KATNB1: variants seen among roughly 807,000 people sequenced by gnomAD.
The protein encoded by KATNB1 is katanin regulatory subunit B1.
Under a neutral mutation model 82.3 loss-of-function variants are expected in KATNB1, and 38 were observed. That is an observed-to-expected ratio of 0.46 (90% CI 0.36 to 0.61). The LOEUF (loss-of-function observed/expected upper bound fraction) is 0.61, where lower values mean the gene tolerates loss of function less well. Among genes scored for constraint, KATNB1 ranks in the 20% least tolerant of loss-of-function variants. The probability of loss-of-function intolerance (pLI) is 0.00; values close to 1 mark genes in which losing one functional copy is unlikely to be tolerated. For synonymous variants in KATNB1, 361 were observed against 368.7 expected (o/e 0.98, Z 0.24); for missense variants, 749 against 915.7 (o/e 0.82, Z 2.35).
intron 4 of KATNB1, among the ~76,000 whole-genome samples, chr16:57,748,313 C>T (rs1185060207): frequency 2.0e-5 from 3 of 152,136 alleles, no homozygotes; most frequent in African/African-American, 7.2e-5. Flanking sequence ...ATTGAGGCCC[C>T]AGGTGTGGAA....
At chr16:57,738,111 T>G (rs1341551902) in intron 2 of KATNB1, among the ~76,000 whole-genome samples, 1 of 152,168 alleles carries the variant, frequency 6.6e-6, no homozygotes, top group Non-Finnish European at 1.5e-5. Context: ...CCAGATCATA[T>G]TTTGAGAATT....
At chr16:57,737,374 C>A in intron 2 of KATNB1, 91 bp downstream of exon 2, 1 of 1,442,138 alleles carries the variant, frequency 6.9e-7, no homozygotes, top group Non-Finnish European at 9.7e-7. Flanking sequence ...GTTTCCTGTT[C>A]TTGGCACAGG....
chr16:57,756,764 G>A, intron 19 of KATNB1, 50 bp from the exon 20 acceptor site: 1 of 1,497,272 alleles, frequency 6.7e-7, no homozygotes, highest in African/African-American at 1.4e-5. Flanking sequence ...GGGGTTGGGT[G>A]TGGGTGGTGG....
chr16:57,754,033 GCC>G (rs59680456), intron 13 of KATNB1, 38 bp downstream of exon 13: 3 of 1,552,994 alleles, frequency 1.9e-6, no homozygotes, highest in African/African-American at 1.4e-5. Flanking sequence ...GGTCTCTGAT[GCC>G]CCCCCGTCCC....
At chr16:57,753,709 C>T (rs1367489937) in intron 12 of KATNB1, among the ~76,000 whole-genome samples, 190 bp downstream of exon 12, 1 of 152,096 alleles carries the variant, frequency 6.6e-6, no homozygotes, top group African/African-American at 2.4e-5. Flanking sequence ...GAGAGGGGGG[C>T]CTGGGCACTC....
In KATNB1 at chr16:57,752,534, A is replaced by G. The variant is rs879999135; in HGVS notation, c.637A>G (p.Ile213Val). The G allele has an allele frequency of 4.5e-6, 7 of 1,564,256 alleles. No individual in the cohort carries two copies. The highest frequency in any genetic ancestry group is 2.7e-5 in the African/African-American group (2 of 74,194). ...ACAGCTTGGCTGCCTTTGCAGGACAATCCGCTTCTGGGACCTGGAGAAGTT... is the reference window on the plus strand; with the variant it reads ...ACAGCTTGGCTGCCTTTGCAGGACAGTCCGCTTCTGGGACCTGGAGAAGTT... ...LLASGSSDRTIRFWDLEKFQV... is the reference protein window; with the variant it reads ...LLASGSSDRTVRFWDLEKFQV... The change falls in exon 9 of 20, where the codon ATC (isoleucine) becomes GTC (valine). Residue 213 changes from isoleucine to valine, a missense_variant. Ile to Val is a conservative substitution (Grantham distance 29). Coordinates refer to ENST00000379661, the MANE Select transcript of KATNB1 (RefSeq NM_005886.3).
chr16:57,744,776 CGTGTGTGTGTGT>C (rs60853487), intron 4 of KATNB1, among the ~76,000 whole-genome samples: 2 of 149,406 alleles, frequency 1.3e-5, no homozygotes, highest in Non-Finnish European at 3.0e-5. Flanking sequence ...TCTGCGGGCA[CGTGTGTGTGTGT>C]GTGTGTGTGT....
intron 2 of KATNB1, among the ~76,000 whole-genome samples, chr16:57,739,006 C>CAAGTG (rs2049123975): frequency 6.6e-6 from 1 of 152,100 alleles, no homozygotes; most frequent in Non-Finnish European, 1.5e-5. Flanking sequence ...GCATGAACAG[C>CAAGTG]AAGTGCAAAG....
rs2049272194 is a variant in KATNB1, at chr16:57,755,882, G to A, written c.1608G>A (p.Val536=). The change falls in exon 17 of 20, where the codon GTG becomes GTA. Residue 536 remains valine (V), a synonymous_variant. Coordinates refer to ENST00000379661, the MANE Select transcript of KATNB1 (RefSeq NM_005886.3). ...DSAVAINDLS[V]VVDLLNIVNQ... ...CTGTGGCCATCAACGACCTGTCGGT[G>A]GTGGTGGACCTCCTGAACATCGTCA... 4.4e-6 allele frequency: 7 copies of A among 1,597,114 alleles called. No individual in the cohort carries two copies. The highest frequency in any genetic ancestry group is 1.1e-5 in the South Asian group (1 of 90,316).
At position 57,755,348 on chromosome 16, in the gene KATNB1, G is replaced by T. The variant is rs377707580; in HGVS notation, c.1420G>T (p.Val474Leu). ...GLKASDFLPA[V>L]KIPQQAELVD... The stretch of plus-strand genomic sequence containing the variant: ...TCTGGGTGTCCATCCCACGCAGGCC[G>T]TGAAGATCCCCCAGCAGGCCGAGCT... The change falls in exon 16 of 20, where the codon GTG becomes TTG. Residue 474 changes from valine (V) to leucine (L), a missense_variant. Coordinates refer to ENST00000379661, the MANE Select transcript of KATNB1 (RefSeq NM_005886.3). The T allele has an allele frequency of 6.2e-7, 1 of 1,613,106 alleles. No individual in the cohort carries two copies. Among genetic ancestry groups the T allele is most frequent in the Non-Finnish European group, 8.5e-7 (1 of 1,179,990 alleles).
At chr16:57,745,225 A>G (rs1328639446) in intron 4 of KATNB1, among the ~76,000 whole-genome samples, 1 of 152,176 alleles carries the variant, frequency 6.6e-6, no homozygotes, top group African/African-American at 2.4e-5. Flanking sequence ...TATTTAAAAA[A>G]CACCGTGGCC....
chr16:57,754,741 G>C (rs1348653539), intron 13 of KATNB1, among the ~76,000 whole-genome samples, 189 bp from the exon 14 acceptor site: 1 of 152,188 alleles, frequency 6.6e-6, no homozygotes, highest in Admixed American at 6.5e-5. Flanking sequence ...TTGAGTTGGG[G>C]GAGAGGGAGG....
At position 57,751,827 on chromosome 16, in the gene KATNB1, A is replaced by G; in HGVS notation, c.516+103A>G. On this transcript the variant is annotated intron_variant, in intron 7 of 19. Transcript: ENST00000379661. This position sits in a 1 kb window ranked among gnomAD's most constrained non-coding sequence, Gnocchi z 6.3. ...CTCCTGATCGGGCTCACATGTCCCA[A>G]GCCTATCCCGAGTGGAAGGTAGCTT... 1.4e-6 allele frequency: 2 copies of G among 1,414,338 alleles called. No homozygotes were observed. The highest frequency in any genetic ancestry group is 9.9e-7 in the Non-Finnish European group (1 of 1,010,354). 87.6% of individuals were successfully genotyped at this position (1,414,338 alleles called of 1,614,324 possible).
At chr16:57,741,550 C>A in intron 2 of KATNB1, 137 bp from the exon 3 acceptor site, 1 of 893,864 alleles carries the variant, frequency 1.1e-6, no homozygotes, top group Non-Finnish European at 1.7e-6. Flanking sequence ...ATGGTGGACA[C>A]CAAAGGGGGA....
intron 4 of KATNB1, among the ~76,000 whole-genome samples, chr16:57,748,379 AC>A (rs1424665893): frequency 6.6e-6 from 1 of 151,704 alleles, no homozygotes; most frequent in African/African-American, 2.4e-5. Flanking sequence ...TAATCTCAGC[AC>A]TTTGGGAGGC....
intron 2 of KATNB1, among the ~76,000 whole-genome samples, chr16:57,738,124 C>T (rs1235166698): frequency 3.3e-5 from 5 of 152,198 alleles, no homozygotes; most frequent in East Asian, 3.8e-4. Flanking sequence ...TGAGAATTCC[C>T]CTACACATTG....
chr16:57,751,005 T>A lies in KATNB1; in HGVS notation c.390+78T>A. 1 of 1,209,602 alleles carries A rather than the reference T, an allele frequency of 8.3e-7. No individual in the cohort carries two copies. Among genetic ancestry groups the A allele is most frequent in the Non-Finnish European group, 1.2e-6 (1 of 815,844 alleles). 74.9% of individuals were successfully genotyped at this position (1,209,602 alleles called of 1,614,324 possible). On this transcript the variant is annotated intron_variant, in intron 5 of 19. Coordinates refer to ENST00000379661, the MANE Select transcript of KATNB1 (RefSeq NM_005886.3). This position sits in a 1 kb window ranked among gnomAD's most constrained non-coding sequence, Gnocchi z 6.3. The stretch of plus-strand genomic sequence containing the variant: ...GCCCGGCCCGGCCCTCAGTGCTGGA[T>A]GCCTGCTGAGGGGACCTCTTCCCTT...
intron 16 of KATNB1, 97 bp downstream of exon 16, chr16:57,755,591 G>A: frequency 1.3e-6 from 2 of 1,494,598 alleles, no homozygotes; most frequent in Non-Finnish European, 1.8e-6. Flanking sequence ...GCCACCCATG[G>A]GGGACAGTGT....
At chr16:57,744,733 G>GT (rs1201976391) in intron 4 of KATNB1, among the ~76,000 whole-genome samples, 1 of 150,166 alleles carries the variant, frequency 6.7e-6, no homozygotes, top group Non-Finnish European at 1.5e-5. Context: ...GTGTGTGTGT[G>GT]TGTTTGGATG....
Sources: allele counts gnomAD v4.1 joint callset (sites outside exome capture counted in the v4.1 genomes callset), GRCh38; gene constraint gnomAD v4.1.1; non-coding constraint Gnocchi (gnomAD v3.1); transcripts MANE v1.5; gene names NCBI Gene and HGNC (gene_info 2026-07-23, HGNC 2026-07-21).